Variants in COL6A6 observed in about 807,000 individuals in gnomAD.
COL6A6 encodes collagen type VI alpha 6 chain, also known as collagen alpha-6(VI) chain.
A neutral mutation model predicts 208.6 loss-of-function variants in COL6A6; 183 were observed. That is an observed-to-expected ratio of 0.88 (90% confidence interval 0.78 to 0.99). The LOEUF (loss-of-function observed/expected upper bound fraction) is 0.99, where lower values mean the gene tolerates loss of function less well. Ranked by LOEUF, COL6A6 falls within the 50% of genes least tolerant of loss-of-function variation. The probability of loss-of-function intolerance (pLI) is 0.00; values close to 1 mark genes in which losing one functional copy is unlikely to be tolerated. For missense variants in COL6A6, 2,816 were observed against 2,815.2 expected, an observed-to-expected ratio of 1.00 and a Z score of -0.01; for synonymous variants, 973 against 1,011.8, an observed-to-expected ratio of 0.96 and a Z score of 0.73.
chr3:130,562,528 C>G (rs2062916645), intron 2 of COL6A6, among the ~76,000 whole-genome samples: 1 of 152,032 alleles, frequency 6.6e-6, no homozygotes, highest in Non-Finnish European at 1.5e-5. Context: ...CTTAATGTGA[C>G]TGTTTGGAAT....
intron 23 of COL6A6, among the ~76,000 whole-genome samples, chr3:130,613,420 G>A (rs1007824603): frequency 6.6e-5 from 10 of 152,218 alleles, no homozygotes; most frequent in African/African-American, 1.9e-4. Context: ...CTATGGCCTT[G>A]TAATATAGTT....
Position 130,568,306 on chromosome 3 carries a change from T to TGGTA in COL6A6, c.2105_2108dup (p.Ser703ArgfsTer2), listed in dbSNP as rs1290780175. On this transcript the variant is annotated frameshift_variant, in exon 6 of 37. Coordinates refer to ENST00000358511, the MANE Select transcript of COL6A6 (RefSeq NM_001102608.3). LOFTEE classifies it high-confidence loss of function. ...CTCACATTGGACAAACCACCCTGACTGGTAGTGCCCTGAGCTTTGTGTCTC... is the reference window on the plus strand; with the variant it reads ...CTCACATTGGACAAACCACCCTGACTGGTAGGTAGTGCCCTGAGCTTTGTGTCTC... 3 of 1,613,912 alleles carry TGGTA rather than the reference T, an allele frequency of 1.9e-6. No homozygotes were observed. The African/African-American group carries it at 4.0e-5, about 22-fold the overall frequency.
chr3:130,616,413 A>C (rs74602223), intron 23 of COL6A6, among the ~76,000 whole-genome samples: 1 of 152,130 alleles, frequency 6.6e-6, no homozygotes, highest in African/African-American at 2.4e-5. Context: ...CAAGTATATG[A>C]CTATGATACA....
chr3:130,626,544 G>T lies in COL6A6; in HGVS notation c.4938G>T (p.Leu1646Phe), dbSNP rs74893697. 1 of 1,611,240 alleles carries T rather than the reference G, an allele frequency of 6.2e-7. No individual in the cohort carries two copies. Among genetic ancestry groups the T allele is most frequent in the Non-Finnish European group, 8.5e-7 (1 of 1,177,408 alleles). ...GAVGFPGPRG[L>F]QGNDGSPGYG... ...TTGGCTTTCCTGGTCCTCGTGGCTT[G>T]CAGGTTTGTATTTTGACACTAGTTT... Residue 1646 changes from leucine to phenylalanine, a missense_variant, in exon 25 of 37, where the codon TTG (leucine) becomes TTT (phenylalanine). Leu to Phe is a conservative substitution (Grantham distance 22, BLOSUM62 0). Transcript: ENST00000358511.
At chr3:130,560,051 C>A (rs148507763) in intron 1 of COL6A6, among the ~76,000 whole-genome samples, 64 of 152,224 alleles carry the variant, frequency 4.2e-4, no homozygotes, top group Non-Finnish European at 3.4e-4. Context: ...ATACTAGGAA[C>A]GCGTAATATT....
intron 1 of COL6A6, among the ~76,000 whole-genome samples, chr3:130,545,471 T>A (rs1490045278): frequency 2.0e-5 from 2 of 98,226 alleles, no homozygotes; most frequent in South Asian, 3.2e-4. Context: ...TTTTTTTTTT[T>A]AGATGGGATT....
At chr3:130,567,560 T>G (rs2063057849) in intron 5 of COL6A6, among the ~76,000 whole-genome samples, 1 of 152,230 alleles carries the variant, frequency 6.6e-6, no homozygotes, top group South Asian at 2.1e-4. Flanking sequence ...TATGATAAAA[T>G]GATTTCAGAT....
At chr3:130,541,111 T>C (rs1010214879) in intron 1 of COL6A6, among the ~76,000 whole-genome samples, 2 of 152,102 alleles carry the variant, frequency 1.3e-5, no homozygotes, top group African/African-American at 4.8e-5. Flanking sequence ...TTAAACAAAT[T>C]TACAAGGAAA....
At chr3:130,631,394 G>C (rs2065004471) in intron 26 of COL6A6, among the ~76,000 whole-genome samples, 1 of 64,434 alleles carries the variant, frequency 1.6e-5, no homozygotes. Context: ...CTCTGAAATT[G>C]TGGCAATAAT....
chr3:130,562,404 C>A (rs563125878), intron 2 of COL6A6, among the ~76,000 whole-genome samples: 10 of 152,106 alleles, frequency 6.6e-5, no homozygotes, highest in Non-Finnish European at 1.5e-4. Context: ...ATAAAATTCA[C>A]CAATTATAAT....
At position 130,566,839 on chromosome 3, in the gene COL6A6, C is replaced by G; in HGVS notation, c.1420C>G (p.Arg474Gly). The G allele has an allele frequency of 6.2e-7, 1 of 1,613,910 alleles. No homozygotes were observed. The highest frequency in any genetic ancestry group is 8.5e-7 in the Non-Finnish European group (1 of 1,179,876). Residue 474 changes from arginine (R) to glycine (G), a missense_variant, in exon 5 of 37, where the codon CGG becomes GGG. By Grantham distance (125) the Arg-to-Gly change is moderately radical. Transcript: ENST00000358511. Reference protein sequence around the residue: ...GMFNIAPHKVRVGAVQYADSW... With the variant: ...GMFNIAPHKVGVGAVQYADSW... The stretch of plus-strand genomic sequence containing the variant: ...GTTCAACATTGCTCCCCATAAGGTG[C>G]GGGTTGGGGCCGTTCAGTATGCTGA...
intron 3 of COL6A6, 40 bp downstream of exon 3, chr3:130,563,704 C>G (rs79600490): frequency 7.3e-7 from 1 of 1,373,566 alleles, no homozygotes; most frequent in African/African-American, 1.5e-5. Flanking sequence ...TGATAAAACG[C>G]TTTTGAAAAA....
chr3:130,595,773 T>A (rs979130100), intron 18 of COL6A6, among the ~76,000 whole-genome samples: 1 of 152,230 alleles, frequency 6.6e-6, no homozygotes, highest in Admixed American at 6.5e-5. Flanking sequence ...TTCTTATATA[T>A]GTCTTTTGAT....
intron 23 of COL6A6, among the ~76,000 whole-genome samples, chr3:130,620,233 G>A (rs1223061477): frequency 6.6e-6 from 1 of 152,172 alleles, no homozygotes; most frequent in Non-Finnish European, 1.5e-5. Flanking sequence ...TTGTGTAGAA[G>A]TGATATGTGA....
chr3:130,584,815 TGTGTTA>T (rs2108022341), intron 10 of COL6A6, among the ~76,000 whole-genome samples: 1 of 151,958 alleles, frequency 6.6e-6, no homozygotes, highest in African/African-American at 2.4e-5. Context: ...GGGGTTTCAC[TGTGTTA>T]GCCAGGATGG....
At position 130,641,976 on chromosome 3, in the gene COL6A6, A is replaced by G. The variant is rs560557244; in HGVS notation, c.5154+262A>G. Among the ~76,000 whole-genome samples, 8 of 152,346 alleles carry G rather than the reference A, an allele frequency of 5.3e-5. No individual in the cohort carries two copies. In the South Asian group the frequency reaches 1.7e-3, roughly 32 times the overall value. ...ACTAAAATGGTATTTCTCAATTATC[A>G]TATTCTGTATCTGTTCAATCTTTCT... On this transcript the variant is annotated intron_variant, in intron 29 of 36. Transcript: ENST00000358511.
intron 18 of COL6A6, among the ~76,000 whole-genome samples, chr3:130,594,983 A>T (rs2063813908): frequency 1.3e-5 from 2 of 152,204 alleles, no homozygotes; most frequent in African/African-American, 4.8e-5. Flanking sequence ...CACTGTTGAT[A>T]TGTGGGATTA....
chr3:130,550,856 G>T (rs553272673), intron 1 of COL6A6, among the ~76,000 whole-genome samples: 1 of 152,054 alleles, frequency 6.6e-6, no homozygotes, highest in East Asian at 1.9e-4. Flanking sequence ...GTTTGTTGAG[G>T]GTTTTTAACA....
intron 12 of COL6A6, chr3:130,590,080 T>G: frequency 2.4e-6 from 1 of 415,430 alleles, no homozygotes; most frequent in Non-Finnish European, 4.8e-6. Context: ...TCTTAAAAGA[T>G]TTTTTAATAA....
Sources: gnomAD v4.1 joint callset for allele counts (sites outside exome capture counted in the v4.1 genomes callset) on GRCh38, gnomAD v4.1.1 for gene constraint, MANE v1.5 for transcripts, NCBI Gene and HGNC (gene_info 2026-07-23, HGNC 2026-07-21) for gene names.